The following ARPP21 variants were observed in gnomAD, a reference collection of about 807,000 sequenced individuals.
ARPP21 encodes the protein cAMP-regulated phosphoprotein 21.
Under a neutral mutation model 113.2 loss-of-function variants are expected in ARPP21, and 69 were observed. The observed-to-expected ratio is 0.61, with a 90% CI of 0.50 to 0.74. The LOEUF (loss-of-function observed/expected upper bound fraction) is 0.74, where lower values mean the gene tolerates loss of function less well. Ranked by LOEUF, ARPP21 falls within the 30% of genes least tolerant of loss-of-function variation. ARPP21 has a pLI of 0.00. For synonymous variants in ARPP21, 368 were observed against 375.5 expected, an observed-to-expected ratio of 0.98 and a Z score of 0.23; for missense variants, 1,070 against 1,037.4, an observed-to-expected ratio of 1.03 and a Z score of -0.43.
intron 9 of ARPP21, among the ~76,000 whole-genome samples, chr3:35,693,077 G>A (rs1487666009): frequency 1.3e-5 from 2 of 151,294 alleles, no homozygotes; most frequent in Non-Finnish European, 3.0e-5. Flanking sequence ...TTTAAAAATA[G>A]ATGCCACATG....
chr3:35,763,533 A>G (rs1234861374), intron 19 of ARPP21, among the ~76,000 whole-genome samples: 2 of 152,144 alleles, frequency 1.3e-5, no homozygotes, highest in Admixed American at 6.6e-5. Context: ...CAGTTACAAT[A>G]TTATGGACAA....
chr3:35,781,957 T>A lies in ARPP21; in HGVS notation c.2138-10425T>A, dbSNP rs533365036. Among the ~76,000 whole-genome samples the A allele has an allele frequency of 3.6e-4, 55 of 152,326 alleles. No individual in the cohort carries two copies. The South Asian group carries it at 0.011, about 30-fold the overall frequency. On this transcript the variant is annotated intron_variant, in intron 19 of 20. Coordinates refer to ENST00000684406, the MANE Select transcript of ARPP21 (RefSeq NM_001385562.1). ...AGCTATACATTAGATAACCTAGAACTAATCAATTGCTGTTGAGCTGTAATG... is the reference window on the plus strand; with the variant it reads ...AGCTATACATTAGATAACCTAGAACAAATCAATTGCTGTTGAGCTGTAATG...
rs1327512667 is a variant in ARPP21, at chr3:35,639,861, G to A, written c.-750G>A. 1 of 152,640 alleles carries A rather than the reference G, an allele frequency of 6.6e-6. No individual in the cohort carries two copies. The highest frequency in any genetic ancestry group is 1.5e-5 in the Non-Finnish European group (1 of 68,418). 9.5% of individuals were successfully genotyped at this position (152,640 alleles called of 1,614,324 possible). ...ACGGAGGGATTCGGACGGACGGACA[G>A]ACCAGCGCACAGACTGGCAGCCTGC... On this transcript the variant is annotated 5_prime_UTR_variant, in exon 1 of 21. Coordinates refer to ENST00000684406, the MANE Select transcript of ARPP21 (RefSeq NM_001385562.1). The surrounding 1 kb of genome is among the most constrained non-coding windows in gnomAD (Gnocchi z 5.0).
intron 19 of ARPP21, among the ~76,000 whole-genome samples, chr3:35,773,299 G>A (rs976081149): frequency 6.6e-5 from 10 of 152,154 alleles, no homozygotes; most frequent in Non-Finnish European, 1.0e-4. Context: ...CTCCCTGACC[G>A]TATGAGATTG....
chr3:35,691,134 C>T, intron 9 of ARPP21, 129 bp downstream of exon 9: 1 of 996,612 alleles, frequency 1.0e-6, no homozygotes, highest in East Asian at 2.8e-5. Flanking sequence ...TTGCTCTTAT[C>T]AGAAGTAGTG....
chr3:35,787,288 C>A (rs938464484), intron 19 of ARPP21, among the ~76,000 whole-genome samples: 3 of 152,154 alleles, frequency 2.0e-5, no homozygotes, highest in African/African-American at 7.2e-5. Flanking sequence ...CAGCCAGTAG[C>A]CTGGAACAGT....
chr3:35,793,252 A>G (rs2096782835), intron 20 of ARPP21, among the ~76,000 whole-genome samples: 1 of 152,210 alleles, frequency 6.6e-6, no homozygotes, highest in Non-Finnish European at 1.5e-5. Flanking sequence ...GTAGGTGCCC[A>G]GGACAAAAGC....
At chr3:35,667,963 GAAGAAGAAGAAGAAGAAGA>G (rs1186153669) in intron 1 of ARPP21, among the ~76,000 whole-genome samples, 59 of 84,248 alleles carry the variant, frequency 7.0e-4, no homozygotes, top group Non-Finnish European at 1.3e-3. Flanking sequence ...AGAAGAAGAA[GAAGAAGAAGAAGAAGAAGA>G]AGAAGAAGAA....
chr3:35,681,707 C>T lies in ARPP21; in HGVS notation c.-38-7C>T, dbSNP rs1267372973. ...TGACTTTATTTTCTGATATCTTAAC[C>T]TTCTAGGGCATAAAATCTTGTTATT... On this transcript the variant is annotated splice_polypyrimidine_tract_variant and splice_region_variant and intron_variant, in intron 2 of 20. Transcript: ENST00000684406. 1.6e-5 allele frequency: 24 copies of T among 1,540,038 alleles called. No individual in the cohort carries two copies. In the East Asian group the frequency reaches 5.4e-4, roughly 35 times the overall value.
chr3:35,665,997 C>G (rs545651626), intron 1 of ARPP21, among the ~76,000 whole-genome samples: 1 of 152,122 alleles, frequency 6.6e-6, no homozygotes, highest in South Asian at 2.1e-4. Flanking sequence ...TGGGCTGTGC[C>G]CATATCCTCA....
chr3:35,675,615 A>C (rs185469750), intron 1 of ARPP21, among the ~76,000 whole-genome samples: 3 of 151,908 alleles, frequency 2.0e-5, no homozygotes, highest in African/African-American at 7.2e-5. Flanking sequence ...TGTCTTTTTC[A>C]GTGAAATATG....
At chr3:35,733,198 C>CTT (rs370016238) in intron 15 of ARPP21, among the ~76,000 whole-genome samples, 7 of 144,466 alleles carry the variant, frequency 4.8e-5, no homozygotes, top group Non-Finnish European at 7.6e-5. Context: ...TTTTTATTTG[C>CTT]TTTTTTTTTT....
At chr3:35,706,609 C>T (rs1481726986) in intron 9 of ARPP21, among the ~76,000 whole-genome samples, 1 of 152,152 alleles carries the variant, frequency 6.6e-6, no homozygotes, top group Non-Finnish European at 1.5e-5. Flanking sequence ...CTCTCAAGTT[C>T]TAAACATGTA....
At chr3:35,781,295 G>A (rs1335058813) in intron 19 of ARPP21, among the ~76,000 whole-genome samples, 1 of 152,188 alleles carries the variant, frequency 6.6e-6, no homozygotes, top group Non-Finnish European at 1.5e-5. Context: ...GAAGGGAAAA[G>A]TTAACGAGTG....
At chr3:35,660,291 A>G (rs527666818) in intron 1 of ARPP21, among the ~76,000 whole-genome samples, 3 of 152,292 alleles carry the variant, frequency 2.0e-5, no homozygotes, top group Admixed American at 6.5e-5. Context: ...ACAAGATGGT[A>G]TCTATAAATG....
chr3:35,666,285 G>A (rs2149233680), intron 1 of ARPP21, among the ~76,000 whole-genome samples: 1 of 152,090 alleles, frequency 6.6e-6, no homozygotes, highest in Admixed American at 6.5e-5. Context: ...TCTTGTAGAG[G>A]GAAGCAAGCT....
intron 20 of ARPP21, 41 bp from the exon 21 acceptor site, chr3:35,793,660 T>C (rs78090629): frequency 0.031 from 46,225 of 1,497,098 alleles, 922 homozygotes; most frequent in Admixed American, 0.064. Context: ...CAGACCAAAA[T>C]AGTCTCTTCA....
At chr3:35,656,940 A>G (rs1218237810) in intron 1 of ARPP21, among the ~76,000 whole-genome samples, 1 of 152,096 alleles carries the variant, frequency 6.6e-6, no homozygotes, top group African/African-American at 2.4e-5. Flanking sequence ...CAAACAAAAT[A>G]GATAAGAAGA....
intron 9 of ARPP21, among the ~76,000 whole-genome samples, chr3:35,695,461 G>T (rs10222421): frequency 0.016 from 2,459 of 151,580 alleles, 71 homozygotes; most frequent in African/African-American, 0.054. Context: ...TAGTTATAGT[G>T]GGGGAATAAC....
Sources: gnomAD v4.1 joint callset for allele counts (sites outside exome capture counted in the v4.1 genomes callset) on GRCh38, gnomAD v4.1.1 for gene constraint, Gnocchi (gnomAD v3.1) non-coding constraint, MANE v1.5 for transcripts, NCBI Gene and HGNC (gene_info 2026-07-23, HGNC 2026-07-21) for gene names.